The following RGS13 variants were observed in gnomAD, a reference collection of about 807,000 sequenced individuals.
The protein encoded by RGS13 is regulator of G protein signaling 13.
In RGS13, 14 loss-of-function variants were observed where a neutral mutation model predicts 19.9. That is an observed-to-expected ratio of 0.70 (90% confidence interval 0.46 to 1.10). RGS13 has a LOEUF of 1.10. RGS13 is among the 50% of genes least tolerant of loss of function. RGS13 has a pLI of 0.00. For missense variants in RGS13, 205 were observed against 187.1 expected (o/e 1.10, Z -0.56); for synonymous variants, 60 against 56.8 (o/e 1.06, Z -0.25).
rs577626368 is a variant in RGS13 at position 192,658,977 on chromosome 1, T to C, written c.295-361T>C. The C allele has an allele frequency of 4.7e-4, 78 of 167,590 alleles. 1 individual carries two copies. The highest frequency in any genetic ancestry group is 1.8e-3 in the African/African-American group (77 of 42,218). 10.4% of individuals were successfully genotyped at this position (167,590 alleles called of 1,614,324 possible). A position where few individuals can be genotyped will look rare whatever the true frequency, so the allele number is the denominator to read the frequency against. On this transcript the variant is annotated intron_variant, in intron 6 of 6. Transcript: ENST00000391995. ...TGTGACTATTAAGGGAGATAAATTTTTAAAAAGCACCAATTTCTCTTTTCT... is the reference window on the plus strand; with the variant it reads ...TGTGACTATTAAGGGAGATAAATTTCTAAAAAGCACCAATTTCTCTTTTCT...
chr1:192,650,726 A>G (rs6701375), intron 5 of RGS13, among the ~76,000 whole-genome samples: 12,443 of 152,116 alleles, frequency 0.082, 1,024 homozygotes, highest in African/African-American at 0.2. Context: ...GGCAAAATCC[A>G]AAAGTTAATT....
chr1:192,647,811 C>A, intron 4 of RGS13, 115 bp from the exon 5 acceptor site: 2 of 523,424 alleles, frequency 3.8e-6, no homozygotes, highest in Non-Finnish European at 6.6e-6. Flanking sequence ...AAGCCACACA[C>A]AAATGGAATG....
chr1:192,656,104 A>G (rs1663433027), intron 5 of RGS13, among the ~76,000 whole-genome samples: 1 of 152,114 alleles, frequency 6.6e-6, no homozygotes, highest in Non-Finnish European at 1.5e-5. Context: ...TAATTAAGCT[A>G]AACATAAACA....
chr1:192,656,757 T>A (rs1469278797), intron 5 of RGS13, among the ~76,000 whole-genome samples: 1 of 152,042 alleles, frequency 6.6e-6, no homozygotes, highest in Non-Finnish European at 1.5e-5. Flanking sequence ...AATATTTACA[T>A]TCGGTTTCCC....
chr1:192,652,832 A>G (rs187914394), intron 5 of RGS13, among the ~76,000 whole-genome samples: 1 of 152,190 alleles, frequency 6.6e-6, no homozygotes. Flanking sequence ...CACGGGGTAC[A>G]TGAAGATGAA....
chr1:192,636,892 C>T (rs1407593862), intron 1 of RGS13, among the ~76,000 whole-genome samples: 2 of 151,740 alleles, frequency 1.3e-5, no homozygotes, highest in East Asian at 1.9e-4. Flanking sequence ...AACAAAAGCT[C>T]ACTAAAATAT....
intron 5 of RGS13, among the ~76,000 whole-genome samples, chr1:192,654,569 T>C (rs893175599): frequency 1.2e-4 from 19 of 152,046 alleles, no homozygotes; most frequent in Admixed American, 1.1e-3. Context: ...TCCCCAGTGG[T>C]ACAGATTGAA....
intron 5 of RGS13, among the ~76,000 whole-genome samples, chr1:192,652,840 G>A (rs1235633221): frequency 1.3e-5 from 2 of 152,074 alleles, no homozygotes; most frequent in African/African-American, 2.4e-5. Flanking sequence ...ACATGAAGAT[G>A]AATAAGCTGC....
At chr1:192,640,881 AC>A (rs1311846391) in intron 3 of RGS13, among the ~76,000 whole-genome samples, 1 of 152,104 alleles carries the variant, frequency 6.6e-6, no homozygotes, top group Non-Finnish European at 1.5e-5. Context: ...TTCTTCAGGA[AC>A]CTGAAATTCT....
chr1:192,648,932 A>C (rs1426339011), intron 5 of RGS13, among the ~76,000 whole-genome samples: 1 of 151,826 alleles, frequency 6.6e-6, no homozygotes, highest in Non-Finnish European at 1.5e-5. Context: ...CTGACTCAAG[A>C]CCCTCTTTAG....
At chr1:192,647,712 C>G (rs1663246883) in intron 4 of RGS13, 1 of 231,454 alleles carries the variant, frequency 4.3e-6, no homozygotes, top group Non-Finnish European at 8.2e-6. Context: ...ATTTTCAAGT[C>G]TACACTATTT....
intron 3 of RGS13, among the ~76,000 whole-genome samples, chr1:192,643,878 G>C (rs911632872): frequency 2.0e-5 from 3 of 152,076 alleles, no homozygotes; most frequent in African/African-American, 7.2e-5. Context: ...CCTAAGACTG[G>C]GGATGTCAAG....
chr1:192,641,266 G>GA (rs755685922), intron 3 of RGS13, among the ~76,000 whole-genome samples: 22 of 92,160 alleles, frequency 2.4e-4, no homozygotes, highest in South Asian at 1.2e-3. Context: ...AAGAAAGAAA[G>GA]AAAGAAAGAA....
chr1:192,649,623 A>C (rs1284854665), intron 5 of RGS13, among the ~76,000 whole-genome samples: 1 of 152,108 alleles, frequency 6.6e-6, no homozygotes, highest in African/African-American at 2.4e-5. Context: ...ACCCTAACCC[A>C]AAACATTTTC....
At chr1:192,641,996 C>T (rs1256572166) in intron 3 of RGS13, among the ~76,000 whole-genome samples, 1 of 152,158 alleles carries the variant, frequency 6.6e-6, no homozygotes, top group Non-Finnish European at 1.5e-5. Flanking sequence ...CTCACCTGAA[C>T]TCCTGCAGTC....
rs1571589767 is a variant in RGS13 at position 192,659,806 on chromosome 1, A to G, written c.*283A>G. On this transcript the variant is annotated 3_prime_UTR_variant, in exon 7 of 7. Coordinates refer to ENST00000391995, the MANE Select transcript of RGS13 (RefSeq NM_002927.5). ...ACAAGCATTATAAAGTTTTTACTGT[A>G]GTAGTCAATTAATGGATATTTCCTT... The G allele has an allele frequency of 4.1e-6, 1 of 246,800 alleles. No homozygotes were observed. Among genetic ancestry groups the G allele is most frequent in the Non-Finnish European group, 7.6e-6 (1 of 131,360 alleles). The allele number at this position is 246,800 out of a possible 1,614,324, so 15.3% of individuals were successfully genotyped here. A position where few individuals can be genotyped will look rare whatever the true frequency, so the allele number is the denominator to read the frequency against.
intron 4 of RGS13, chr1:192,646,152 C>T (rs779938306): frequency 6.6e-6 from 1 of 152,180 alleles, no homozygotes; most frequent in Non-Finnish European, 1.5e-5. Flanking sequence ...TGTTAAGCCT[C>T]AGTACTGATG....
chr1:192,637,691 A>G (rs1201583475), intron 2 of RGS13, 31 bp downstream of exon 2: 3 of 152,018 alleles, frequency 2.0e-5, no homozygotes, highest in Admixed American at 2.0e-4. Flanking sequence ...AATCAGTTCT[A>G]CGTCATGCCA....
At chr1:192,642,246 A>G (rs1663136519) in intron 3 of RGS13, among the ~76,000 whole-genome samples, 1 of 151,814 alleles carries the variant, frequency 6.6e-6, no homozygotes, top group Admixed American at 6.6e-5. Flanking sequence ...TATTGGTTCA[A>G]TCTTAACTCT....
Sources: gnomAD v4.1 joint callset for allele counts (sites outside exome capture counted in the v4.1 genomes callset) on GRCh38, gnomAD v4.1.1 for gene constraint, MANE v1.5 for transcripts, NCBI Gene and HGNC (gene_info 2026-07-23, HGNC 2026-07-21) for gene names.